The following MYOM3 variants were observed in gnomAD, a reference collection of about 807,000 sequenced individuals.
MYOM3 encodes myomesin-3.
Under a neutral mutation model 191.7 loss-of-function variants are expected in MYOM3, and 155 were observed. The observed-to-expected ratio is 0.81, with a 90% CI of 0.71 to 0.92. MYOM3 has a LOEUF of 0.92. Among genes scored for constraint, MYOM3 ranks in the 40% least tolerant of loss-of-function variants. MYOM3 has a pLI of 0.00. For synonymous variants in MYOM3, 757 were observed against 762.9 expected, an observed-to-expected ratio of 0.99 and a Z score of 0.13; for missense variants, 1,889 against 1,890.6, an observed-to-expected ratio of 1.00 and a Z score of 0.02.
intron 24 of MYOM3, 63 bp downstream of exon 24, chr1:24,071,906 C>A: frequency 6.5e-7 from 1 of 1,547,378 alleles, no homozygotes; most frequent in South Asian, 1.1e-5. Flanking sequence ...CTGCTCTGCT[C>A]AGAACATGCC....
rs1282725148 is a variant in MYOM3 at position 24,108,092 on chromosome 1, G to GAGT, written c.162-22_162-20dup. On this transcript the variant is annotated intron_variant, in intron 2 of 36. Coordinates refer to ENST00000374434, the MANE Select transcript of MYOM3 (RefSeq NM_152372.4). Reference sequence around the variant, plus strand: ...TTCTTCGCTGCTCCCAGAAGGAGGGGAGTAAATGGCTCTTGCAGGATTGGC... The same window carrying GAGT: ...TTCTTCGCTGCTCCCAGAAGGAGGGGAGTAGTAAATGGCTCTTGCAGGATTGGC... The GAGT allele has an allele frequency of 2.5e-6, 4 of 1,611,566 alleles. No homozygotes were observed. The Admixed American group carries it at 6.7e-5, about 27-fold the overall frequency.
At chr1:24,071,854 C>G in intron 24 of MYOM3, 115 bp downstream of exon 24, 1 of 1,071,672 alleles carries the variant, frequency 9.3e-7, no homozygotes, top group Non-Finnish European at 1.5e-6. Context: ...ATTCTCCCAC[C>G]CTCTGTCCCT....
chr1:24,068,678 A>G (rs1643485637), intron 25 of MYOM3, among the ~76,000 whole-genome samples: 1 of 151,100 alleles, frequency 6.6e-6, no homozygotes, highest in African/African-American at 2.4e-5. Context: ...GATTTTGCCT[A>G]TTTTCTTTTC....
chr1:24,074,613 G>A (rs191703811), intron 22 of MYOM3, among the ~76,000 whole-genome samples: 19 of 152,328 alleles, frequency 1.2e-4, no homozygotes, highest in African/African-American at 4.3e-4. Context: ...TGTGACAGGG[G>A]CCCTTGTGGT....
At chr1:24,090,147 G>C (rs373877973) in intron 12 of MYOM3, 29 bp from the exon 13 acceptor site, 1 of 1,577,048 alleles carries the variant, frequency 6.3e-7, no homozygotes, top group Non-Finnish European at 8.7e-7. Flanking sequence ...ATGGGAGGGT[G>C]GGGGGTGGCA....
At position 24,092,989 on chromosome 1, in the gene MYOM3, G is replaced by A. The variant is rs2148556511; in HGVS notation, c.1048C>T (p.Pro350Ser). ...GTGCTCTGTTCCCGGGGTCCGAAGG[G>A]CGAGGGCACCCGGACCATGTAGAGC... ...EGLYMVRVPS[P>S]FGPREQSTYV... The change falls in exon 10 of 37, where the codon CCC becomes TCC. Residue 350 changes from proline (P) to serine (S), a missense_variant. By Grantham distance (74) the Pro-to-Ser change is moderately conservative. Coordinates refer to ENST00000374434, the MANE Select transcript of MYOM3 (RefSeq NM_152372.4). The A allele has an allele frequency of 7.5e-6, 12 of 1,609,366 alleles. No individual in the cohort carries two copies. Among genetic ancestry groups the A allele is most frequent in the South Asian group, 1.1e-5 (1 of 90,370 alleles).
rs967468688 is a variant in MYOM3 at position 24,087,021 on chromosome 1, C to T, written c.1615-194G>A. ...CACCCGGATTCCTACCGAGACCTCA[C>T]GTCCAGCCTGTCCACAACGCGGCTC... is the stretch of plus-strand genomic sequence containing the variant. On this transcript the variant is annotated intron_variant, in intron 14 of 36. Coordinates refer to ENST00000374434, the MANE Select transcript of MYOM3 (RefSeq NM_152372.4). This position sits in a 1 kb window ranked among gnomAD's most constrained non-coding sequence, Gnocchi z 4.5. Among the ~76,000 whole-genome samples, 4 of 152,180 alleles carry T rather than the reference C, an allele frequency of 2.6e-5. No individual in the cohort carries two copies. The highest frequency in any genetic ancestry group is 9.6e-5 in the African/African-American group (4 of 41,454).
At chr1:24,100,511 C>A (rs1643904339) in intron 5 of MYOM3, among the ~76,000 whole-genome samples, 1 of 152,034 alleles carries the variant, frequency 6.6e-6, no homozygotes, top group Non-Finnish European at 1.5e-5. Flanking sequence ...GAACCCCAGA[C>A]CCCTGCCGCT....
At position 24,080,090 on chromosome 1, in the gene MYOM3, C is replaced by T. The variant is rs767891036; in HGVS notation, c.2512G>A (p.Val838Ile). ...MGAGPVTGYH[V>I]SFQEEGSEQW... Reference sequence around the variant, plus strand: ...TCAGAGCCTTCCTCCTGGAAACTGACGTGATAGCCTGTGACAGGCCCAGCC... The same window carrying T: ...TCAGAGCCTTCCTCCTGGAAACTGATGTGATAGCCTGTGACAGGCCCAGCC... Residue 838 changes from valine (V) to isoleucine (I), a missense_variant, in exon 20 of 37, where the codon GTC becomes ATC. Physicochemically the swap from Val to Ile is conservative, Grantham distance 29 (BLOSUM62 3). Transcript: ENST00000374434. 13 of 1,614,034 alleles carry T rather than the reference C, an allele frequency of 8.1e-6. 1 individual carries two copies. The highest frequency in any genetic ancestry group is 3.3e-4 in the Middle Eastern group (2 of 6,084).
At chr1:24,086,855 C>A (rs1424726739) in intron 14 of MYOM3, 28 bp from the exon 15 acceptor site, 8 of 1,608,056 alleles carry the variant, frequency 5.0e-6, no homozygotes, top group Non-Finnish European at 4.2e-6. Flanking sequence ...CTCACATTGG[C>A]TAACTGGTCG....
intron 5 of MYOM3, among the ~76,000 whole-genome samples, chr1:24,105,580 GC>G (rs1325785828): frequency 6.6e-6 from 1 of 152,226 alleles, no homozygotes; most frequent in Non-Finnish European, 1.5e-5. Flanking sequence ...CCCCAGGCTG[GC>G]TGCGGGGCAG....
At chr1:24,108,175 G>A in intron 2 of MYOM3, 102 bp from the exon 3 acceptor site, 1 of 1,141,426 alleles carries the variant, frequency 8.8e-7, no homozygotes. Context: ...GGCACCAGCA[G>A]GCAGGGCTGT....
intron 5 of MYOM3, among the ~76,000 whole-genome samples, chr1:24,104,810 A>G (rs1205813069): frequency 6.6e-6 from 1 of 152,188 alleles, no homozygotes. Flanking sequence ...GGCTTCCCAA[A>G]GTGCTGGAGG....
At chr1:24,109,610 G>A (rs1644022079) in intron 1 of MYOM3, among the ~76,000 whole-genome samples, 1 of 152,212 alleles carries the variant, frequency 6.6e-6, no homozygotes, top group African/African-American at 2.4e-5. Context: ...AGTAACAATA[G>A]TGAGAACTTA....
intron 7 of MYOM3, among the ~76,000 whole-genome samples, chr1:24,095,726 A>G (rs1408093250): frequency 6.6e-6 from 1 of 152,148 alleles, no homozygotes; most frequent in East Asian, 1.9e-4. Flanking sequence ...CACCAGCCAT[A>G]GCCTGACACA....
In MYOM3 at chr1:24,075,454, C is replaced by A; in HGVS notation, c.2723G>T (p.Gly908Val). ...ATAGATAAAGCCCTCTTCATCCACACCAACCTCGATCTCATGGGCACCTGA... is the reference window on the plus strand; with the variant it reads ...ATAGATAAAGCCCTCTTCATCCACAACAACCTCGATCTCATGGGCACCTGA... Reference protein sequence around the residue: ...DKPGAHEIEVGVDEEGFIYLA... With the variant: ...DKPGAHEIEVVVDEEGFIYLA... The change falls in exon 22 of 37, where the codon GGT (glycine) becomes GTT (valine). Residue 908 changes from glycine (G) to valine (V), a missense_variant. Coordinates refer to ENST00000374434, the MANE Select transcript of MYOM3 (RefSeq NM_152372.4). The A allele has an allele frequency of 6.3e-7, 1 of 1,587,494 alleles. No homozygotes were observed. Among genetic ancestry groups the A allele is most frequent in the South Asian group, 1.2e-5 (1 of 86,436 alleles).
intron 23 of MYOM3, among the ~76,000 whole-genome samples, chr1:24,073,554 C>A (rs980109921): frequency 1.3e-5 from 2 of 152,010 alleles, no homozygotes; most frequent in Non-Finnish European, 2.9e-5. Context: ...AATTCTAGTA[C>A]CTTTGCTCTT....
chr1:24,089,791 T>C, intron 13 of MYOM3, 126 bp from the exon 14 acceptor site: 2 of 1,174,952 alleles, frequency 1.7e-6, no homozygotes, highest in Admixed American at 5.2e-5. Flanking sequence ...AGTAGTTGGC[T>C]CCAGGTCACT....
In MYOM3 at chr1:24,056,337, A is replaced by C. The variant is rs943062483; in HGVS notation, c.*1027T>G. On this transcript the variant is annotated 3_prime_UTR_variant, in exon 37 of 37. Transcript: ENST00000374434. ...TCCTCCTTCCCTTTCCTCCCACCAG[A>C]CCCTGCTCCTGGGATGTCCTTCTCC... is the stretch of plus-strand genomic sequence containing the variant. The C allele has an allele frequency of 6.6e-6, 1 of 151,848 alleles. No individual in the cohort carries two copies. The highest frequency in any genetic ancestry group is 6.6e-5 in the Admixed American group (1 of 15,248). The allele number at this position is 151,848 out of a possible 1,614,324, so 9.4% of individuals were successfully genotyped here.
Sources: gnomAD v4.1 joint callset for allele counts (sites outside exome capture counted in the v4.1 genomes callset) on GRCh38, gnomAD v4.1.1 for gene constraint, Gnocchi (gnomAD v3.1) non-coding constraint, MANE v1.5 for transcripts, NCBI Gene and HGNC (gene_info 2026-07-23, HGNC 2026-07-21) for gene names.